The following NUP210L variants were observed in gnomAD, a reference collection of about 807,000 sequenced individuals.
The protein encoded by NUP210L is nuclear pore membrane glycoprotein 210-like.
Under a neutral mutation model 208.5 loss-of-function variants are expected in NUP210L, and 74 were observed. The observed-to-expected ratio is 0.35, with a 90% CI of 0.29 to 0.43. The LOEUF is 0.43. NUP210L is among the 20% of genes least tolerant of loss of function. The pLI, the probability that NUP210L is intolerant of heterozygous loss-of-function variation, is 1.00. For synonymous variants in NUP210L, 780 were observed against 816.9 expected (o/e 0.95, Z 0.77); for missense variants, 1,843 against 2,289.4 (o/e 0.81, Z 3.98).
At chr1:154,150,929 A>G (rs528388092) in intron 2 of NUP210L, among the ~76,000 whole-genome samples, 1 of 152,246 alleles carries the variant, frequency 6.6e-6, no homozygotes, top group South Asian at 2.1e-4. Flanking sequence ...AGATGCTCCT[A>G]GTAGGACACC....
At chr1:154,001,034 C>G (rs1446561506) in exon 37 of NUP210L, 7 of 1,613,956 alleles carry the variant, frequency 4.3e-6, no homozygotes, top group Non-Finnish European at 5.9e-6. Flanking sequence ...GGCCAGCGAC[C>G]ACTAGAACTG....
At chr1:154,152,228 T>C (rs1245751941) in intron 2 of NUP210L, among the ~76,000 whole-genome samples, 1 of 151,050 alleles carries the variant, frequency 6.6e-6, no homozygotes, top group Non-Finnish European at 1.5e-5. Context: ...TGGAGTGCAG[T>C]GGCACAATCT....
intron 15 of NUP210L, 143 bp downstream of exon 15, chr1:154,094,792 A>G: frequency 1.5e-6 from 1 of 663,704 alleles, no homozygotes; most frequent in Non-Finnish European, 2.5e-6. Flanking sequence ...GGTTTTAGAA[A>G]AAACAATCAT....
chr1:154,001,115 A>G (rs1456316164), intron 36 of NUP210L, 55 bp from the exon 37 acceptor site: 1 of 1,418,052 alleles, frequency 7.1e-7, no homozygotes, highest in Non-Finnish European at 9.9e-7. Context: ...ACTTTGTATC[A>G]GTATGTTCCA....
rs191516032 is a variant in NUP210L at position 154,107,185 on chromosome 1, C to T, written c.1621-2975G>A. ...TGAAATAATTTTAAAAAGCAGAAAT[C>T]CTGGAGCTGAAAAATTCAATTAACA... On this transcript the variant is annotated intron_variant, in intron 12 of 39. Coordinates refer to ENST00000368559, the Ensembl canonical transcript of NUP210L. Among the ~76,000 whole-genome samples, 89 of 152,170 alleles carry T rather than the reference C, an allele frequency of 5.8e-4. 1 individual carries two copies. Among genetic ancestry groups the T allele is most frequent in the African/African-American group, 2.1e-3 (87 of 41,530 alleles).
chr1:154,140,672 A>C (rs542989944), intron 4 of NUP210L, among the ~76,000 whole-genome samples: 1 of 149,376 alleles, frequency 6.7e-6, no homozygotes, highest in African/African-American at 2.4e-5. Context: ...ATCTCAAAAA[A>C]AAAAACAGAA....
rs1280823137 is a variant in NUP210L at position 154,146,158 on chromosome 1, TAAAGA to T, written c.341-2586_341-2582del. Among the ~76,000 whole-genome samples the T allele has an allele frequency of 4.6e-5, 7 of 151,900 alleles. No individual in the cohort carries two copies. In the South Asian group the frequency reaches 8.3e-4, roughly 18 times the overall value. ...CAATCAATCAATCAATCACAAAAAT[TAAAGA>T]AAAGATAAGGACAAAGGACATAGGA... is the stretch of plus-strand genomic sequence containing the variant. On this transcript the variant is annotated intron_variant, in intron 2 of 39. Coordinates refer to ENST00000368559, the Ensembl canonical transcript of NUP210L.
intron 15 of NUP210L, among the ~76,000 whole-genome samples, chr1:154,092,176 C>T (rs1026865500): frequency 6.7e-6 from 1 of 148,378 alleles, no homozygotes; most frequent in African/African-American, 2.5e-5. Flanking sequence ...TCCGGATTCA[C>T]GCCATTCTCC....
At chr1:154,113,703 C>G (rs1657164088) in intron 12 of NUP210L, among the ~76,000 whole-genome samples, 1 of 151,148 alleles carries the variant, frequency 6.6e-6, no homozygotes, top group South Asian at 2.1e-4. Flanking sequence ...ACTAAAAATA[C>G]AAAAATTAGC....
chr1:154,113,167 A>AAT (rs1553237739), intron 12 of NUP210L, among the ~76,000 whole-genome samples: 36 of 144,536 alleles, frequency 2.5e-4, no homozygotes, highest in Middle Eastern at 3.6e-3. Flanking sequence ...TAAAAAAAAA[A>AAT]ATATATATAT....
chr1:154,049,938 A>G (rs1653395929), intron 25 of NUP210L, among the ~76,000 whole-genome samples: 1 of 152,220 alleles, frequency 6.6e-6, no homozygotes, highest in Non-Finnish European at 1.5e-5. Flanking sequence ...ACAGTCCAGC[A>G]ATTTGCCAGA....
chr1:153,995,137 A>G lies in NUP210L; in HGVS notation c.5430T>C (p.Ser1810=), dbSNP rs185951944. 1.9e-4 allele frequency: 307 copies of G among 1,614,154 alleles called. 1 individual carries two copies. The African/African-American group carries it at 3.6e-3, about 19-fold the overall frequency. The change falls in exon 38 of 40, where the codon TCT becomes TCC. Residue 1810 remains serine (S), a synonymous_variant. Transcript: ENST00000368559. ...AGAGGGTCAAGAGCAGGATCTGGTA[A>G]GAGCCAGTGAACCGCTTGAGGATGG...
intron 14 of NUP210L, among the ~76,000 whole-genome samples, chr1:154,098,879 A>G (rs927852457): frequency 6.6e-6 from 1 of 152,180 alleles, no homozygotes; most frequent in South Asian, 2.1e-4. Flanking sequence ...CCGAGGCTGT[A>G]GGTGCCAAGG....
At chr1:154,141,815 C>T (rs1658863462) in intron 3 of NUP210L, among the ~76,000 whole-genome samples, 1 of 152,130 alleles carries the variant, frequency 6.6e-6, no homozygotes, top group Non-Finnish European at 1.5e-5. Context: ...TAAAGGCCAC[C>T]TCATGGTTGA....
chr1:154,124,870 TGAGCCCAG>T (rs778942562), intron 10 of NUP210L, among the ~76,000 whole-genome samples: 4 of 152,184 alleles, frequency 2.6e-5, no homozygotes, highest in African/African-American at 7.2e-5. Flanking sequence ...GAGGATCACT[TGAGCCCAG>T]GAGGTCGAGG....
chr1:154,125,112 C>T (rs532715674), intron 10 of NUP210L, among the ~76,000 whole-genome samples: 2 of 152,226 alleles, frequency 1.3e-5, no homozygotes, highest in Non-Finnish European at 2.9e-5. Flanking sequence ...CAAGACCAGC[C>T]TGTGCCACAC....
chr1:154,037,564 G>C (rs1193356438), intron 27 of NUP210L, among the ~76,000 whole-genome samples: 1 of 152,036 alleles, frequency 6.6e-6, no homozygotes, highest in Admixed American at 6.6e-5. Flanking sequence ...TTCAGTCTAT[G>C]TGTGTCTTTA....
At chr1:154,117,566 C>G (rs2148096664) in intron 12 of NUP210L, among the ~76,000 whole-genome samples, 159 bp downstream of exon 12, 1 of 152,002 alleles carries the variant, frequency 6.6e-6, no homozygotes, top group South Asian at 2.1e-4. Context: ...GCCTGGGAAA[C>G]AGAGCAACAT....
At chr1:154,126,346 A>C (rs1272101305) in exon 10 of NUP210L, 1 of 1,613,174 alleles carries the variant, frequency 6.2e-7, no homozygotes, top group Non-Finnish European at 8.5e-7. Flanking sequence ...GAGGTCAGGG[A>C]TGCATTTATT....
Sources: gnomAD v4.1 joint callset for allele counts (sites outside exome capture counted in the v4.1 genomes callset) on GRCh38, gnomAD v4.1.1 for gene constraint, MANE v1.5 for transcripts, NCBI Gene and HGNC (gene_info 2026-07-23, HGNC 2026-07-21) for gene names.